Variants in MYO10 observed in about 807,000 individuals in gnomAD.
The protein encoded by MYO10 is myosin X, also known as unconventional myosin-X.
A neutral mutation model predicts 257.3 loss-of-function variants in MYO10; 133 were observed. The ratio of observed to expected loss-of-function variants is 0.52; its 90% CI spans 0.45 to 0.60. The LOEUF (loss-of-function observed/expected upper bound fraction) is 0.60. Ranked by LOEUF, MYO10 falls within the 20% of genes least tolerant of loss-of-function variation. MYO10 has a pLI of 0.00. For missense variants in MYO10, 2,399 were observed against 2,635.7 expected, an observed-to-expected ratio of 0.91 and a Z score of 1.97; for synonymous variants, 1,104 against 1,028.6, an observed-to-expected ratio of 1.07 and a Z score of -1.40.
At chr5:16,789,661 T>C (rs1282423660) in intron 4 of MYO10, among the ~76,000 whole-genome samples, 1 of 152,134 alleles carries the variant, frequency 6.6e-6, no homozygotes, top group Non-Finnish European at 1.5e-5. Flanking sequence ...GCCATGATGG[T>C]GCACGCCTGT....
At chr5:16,857,554 A>G (rs937344723) in intron 2 of MYO10, among the ~76,000 whole-genome samples, 1 of 152,210 alleles carries the variant, frequency 6.6e-6, no homozygotes, top group Non-Finnish European at 1.5e-5. Context: ...GCACATTTGC[A>G]GGCTCCTAAA....
chr5:16,694,201 G>A (rs1251680035), intron 27 of MYO10, among the ~76,000 whole-genome samples, 170 bp downstream of exon 27: 1 of 152,138 alleles, frequency 6.6e-6, no homozygotes, highest in Non-Finnish European at 1.5e-5. Context: ...AAGTACTCAT[G>A]GATTAAGTCT....
In MYO10 at chr5:16,741,693, A is replaced by G. The variant is rs572158677; in HGVS notation, c.1929+13135T>C. ...CACTTGTAAACACTTCCGTGCCTGGAGAAACAGCAAAATCTGTTCCCCGTG... is the reference window on the plus strand; with the variant it reads ...CACTTGTAAACACTTCCGTGCCTGGGGAAACAGCAAAATCTGTTCCCCGTG... On this transcript the variant is annotated intron_variant, in intron 19 of 40. Transcript: ENST00000513610. The G allele has an allele frequency of 2.9e-4, 214 of 746,328 alleles. 1 individual carries two copies. In the Admixed American group the frequency reaches 0.012, roughly 43 times the overall value. The allele number at this position is 746,328 out of a possible 1,614,324, so 46.2% of individuals were successfully genotyped here.
intron 9 of MYO10, among the ~76,000 whole-genome samples, chr5:16,777,069 TG>T (rs1235202588): frequency 2.0e-5 from 3 of 152,072 alleles, no homozygotes; most frequent in African/African-American, 7.2e-5. Context: ...CAGTAATAAA[TG>T]AACCGTGATG....
At chr5:16,843,213 A>G (rs1260993897) in intron 2 of MYO10, among the ~76,000 whole-genome samples, 1 of 152,208 alleles carries the variant, frequency 6.6e-6, no homozygotes, top group Non-Finnish European at 1.5e-5. Flanking sequence ...CACGTGCTCC[A>G]GCTTCAAGTA....
intron 1 of MYO10, among the ~76,000 whole-genome samples, chr5:16,922,520 G>T (rs1401687536): frequency 1.3e-5 from 2 of 152,194 alleles, no homozygotes; most frequent in Non-Finnish European, 2.9e-5. Flanking sequence ...TATGTTACTG[G>T]TCTAAAAGGA....
intron 19 of MYO10, among the ~76,000 whole-genome samples, chr5:16,724,561 C>G (rs1365006302): frequency 4.0e-5 from 6 of 149,432 alleles, no homozygotes; most frequent in African/African-American, 1.5e-4. Context: ...AGCTCGATAC[C>G]CAGTTATTTT....
At chr5:16,683,424 G>A (rs1366418368) in intron 30 of MYO10, among the ~76,000 whole-genome samples, 1 of 152,120 alleles carries the variant, frequency 6.6e-6, no homozygotes, top group Admixed American at 6.5e-5. Context: ...CAAGAAAGAA[G>A]AAATGTCAAG....
chr5:16,788,442 G>A (rs1009910571), intron 4 of MYO10, among the ~76,000 whole-genome samples: 7 of 152,226 alleles, frequency 4.6e-5, no homozygotes, highest in South Asian at 2.1e-4. Context: ...TGGTGGCGGC[G>A]GGGAAGAATC....
intron 1 of MYO10, among the ~76,000 whole-genome samples, chr5:16,894,962 T>TC (rs1745177238): frequency 6.6e-6 from 1 of 151,608 alleles, no homozygotes; most frequent in Admixed American, 6.6e-5. Context: ...CATAAACTAT[T>TC]AACAGCTCTA....
intron 19 of MYO10, among the ~76,000 whole-genome samples, chr5:16,732,420 C>G (rs1312471288): frequency 6.6e-6 from 1 of 152,172 alleles, no homozygotes; most frequent in Non-Finnish European, 1.5e-5. Context: ...CTAACGAAAC[C>G]TTTTTATCTG....
chr5:16,705,148 C>G (rs1253970737), intron 21 of MYO10, among the ~76,000 whole-genome samples: 1 of 152,156 alleles, frequency 6.6e-6, no homozygotes, highest in Non-Finnish European at 1.5e-5. Flanking sequence ...CGTTATTTTG[C>G]CTTTATGTGG....
At chr5:16,741,090 TC>T (rs1348162044) in intron 19 of MYO10, among the ~76,000 whole-genome samples, 3 of 152,192 alleles carry the variant, frequency 2.0e-5, no homozygotes, top group Non-Finnish European at 2.9e-5. Context: ...TGAATAGACA[TC>T]AACTGAACAC....
chr5:16,703,985 C>T (rs574430005), intron 22 of MYO10, among the ~76,000 whole-genome samples: 4 of 151,492 alleles, frequency 2.6e-5, no homozygotes, highest in South Asian at 2.1e-4. Context: ...ACAGCCAGGC[C>T]GCTGTGGCTT....
At chr5:16,753,519 T>A (rs1740443464) in intron 19 of MYO10, among the ~76,000 whole-genome samples, 1 of 134,218 alleles carries the variant, frequency 7.5e-6, no homozygotes, top group South Asian at 2.6e-4. Context: ...TCTCCCAGGC[T>A]GGAGTGCAGT....
chr5:16,729,704 A>T (rs548714270), intron 19 of MYO10, among the ~76,000 whole-genome samples: 103 of 152,250 alleles, frequency 6.8e-4, no homozygotes, highest in Non-Finnish European at 1.1e-3. Flanking sequence ...TCGGCCTCCC[A>T]AAGTGCTGGG....
intron 2 of MYO10, among the ~76,000 whole-genome samples, chr5:16,834,634 C>T (rs1268255816): frequency 1.3e-5 from 2 of 152,220 alleles, no homozygotes; most frequent in Non-Finnish European, 2.9e-5. Flanking sequence ...CTAAAACCAA[C>T]TCCAAAGACT....
chr5:16,810,241 C>T (rs908712816), intron 3 of MYO10, among the ~76,000 whole-genome samples: 4 of 152,170 alleles, frequency 2.6e-5, no homozygotes, highest in African/African-American at 9.7e-5. Context: ...TGCTCAGGAG[C>T]TTCCAGGACG....
chr5:16,862,357 CA>C (rs1744131039), intron 2 of MYO10, among the ~76,000 whole-genome samples: 1 of 152,150 alleles, frequency 6.6e-6, no homozygotes, highest in South Asian at 2.1e-4. Context: ...TTCCAAATAA[CA>C]GGCCTAAAAA....
Sources: gnomAD v4.1 joint callset for allele counts (sites outside exome capture counted in the v4.1 genomes callset) on GRCh38, gnomAD v4.1.1 for gene constraint, MANE v1.5 for transcripts, NCBI Gene and HGNC (gene_info 2026-07-23, HGNC 2026-07-21) for gene names.